Variants in ZNF385D observed in about 807,000 individuals in gnomAD.
ZNF385D encodes the protein zinc finger protein 385D.
ZNF385D carries 15 observed loss-of-function variants against 35.8 expected under a neutral mutation model. The observed-to-expected ratio is 0.42, with a 90% CI of 0.28 to 0.64. The LOEUF is 0.64. Among genes scored for constraint, ZNF385D ranks in the 30% least tolerant of loss-of-function variants. ZNF385D has a pLI of 0.23. For synonymous variants in ZNF385D, 212 were observed against 186.8 expected, an observed-to-expected ratio of 1.13 and a Z score of -1.10; for missense variants, 474 against 494.6, an observed-to-expected ratio of 0.96 and a Z score of 0.39.
chr3:21,650,278 A>G (rs980953074), intron 2 of ZNF385D, among the ~76,000 whole-genome samples: 15 of 152,286 alleles, frequency 9.8e-5, no homozygotes, highest in African/African-American at 3.6e-4. Context: ...TCTCCAAAAT[A>G]ATTTCAGGAA....
chr3:22,316,792 T>C lies in ZNF385D; in HGVS notation c.106+55658A>G, dbSNP rs139266774. Among the ~76,000 whole-genome samples the C allele has an allele frequency of 1.9e-4, 29 of 152,310 alleles. No individual in the cohort carries two copies. In the East Asian group the frequency reaches 5.2e-3, roughly 27 times the overall value. ...GTGTTTGAAACTTCTAAGGAAGTTT[T>C]AGACAAGGGAATATTGGGGTTCAGA... On this transcript the variant is annotated intron_variant, in intron 2 of 5. Transcript: ENST00000494108.
chr3:21,475,673 A>G (rs1704191496), intron 4 of ZNF385D, among the ~76,000 whole-genome samples: 1 of 152,136 alleles, frequency 6.6e-6, no homozygotes. Flanking sequence ...GCTCAAAGTT[A>G]AAGGCACACA....
chr3:22,154,316 C>A (rs1046907501), intron 3 of ZNF385D, among the ~76,000 whole-genome samples: 1 of 152,148 alleles, frequency 6.6e-6, no homozygotes, highest in Non-Finnish European at 1.5e-5. Flanking sequence ...GCAAACTACC[C>A]TGAGTCTCTG....
rs1422713753 is a variant in ZNF385D, at chr3:21,646,245, G to A, written c.165+18641C>T. On this transcript the variant is annotated intron_variant, in intron 2 of 7. Coordinates refer to ENST00000281523, the MANE Select transcript of ZNF385D (RefSeq NM_024697.3). This position sits in a 1 kb window ranked among gnomAD's most constrained non-coding sequence, Gnocchi z 4.3. Reference sequence around the variant, plus strand: ...CAATCATGGTTTTGATTATGGTTAAGTAAATGAAGAGGAGAGGAAACTGTC... The same window carrying A: ...CAATCATGGTTTTGATTATGGTTAAATAAATGAAGAGGAGAGGAAACTGTC... 5.3e-5 allele frequency among the ~76,000 whole-genome samples: 8 copies of A among 152,194 alleles called. No individual in the cohort carries two copies. Among genetic ancestry groups the A allele is most frequent in the African/African-American group, 1.7e-4 (7 of 41,464 alleles).
At chr3:21,806,750 C>A (rs1177700636) in intron 3 of ZNF385D, among the ~76,000 whole-genome samples, 1 of 152,152 alleles carries the variant, frequency 6.6e-6, no homozygotes, top group African/African-American at 2.4e-5. Flanking sequence ...TTACAAACTA[C>A]CCTAGTCAGA....
intron 3 of ZNF385D, among the ~76,000 whole-genome samples, chr3:21,545,178 A>G (rs563318904): frequency 6.6e-6 from 1 of 152,362 alleles, no homozygotes; most frequent in Admixed American, 6.5e-5. Context: ...TTTGCTATTC[A>G]CAGACAATTT....
intron 2 of ZNF385D, among the ~76,000 whole-genome samples, chr3:21,590,036 T>C (rs1270655622): frequency 2.6e-5 from 4 of 152,106 alleles, no homozygotes; most frequent in Admixed American, 2.6e-4. Context: ...TGTGGACAAG[T>C]AGGCATGTGC....
chr3:22,107,534 G>C (rs1045151735), intron 3 of ZNF385D, among the ~76,000 whole-genome samples: 2 of 152,024 alleles, frequency 1.3e-5, no homozygotes, highest in Non-Finnish European at 2.9e-5. Flanking sequence ...GACTTTATAT[G>C]CAAGTAGGAA....
intron 4 of ZNF385D, among the ~76,000 whole-genome samples, chr3:21,458,781 T>C (rs1292144291): frequency 3.2e-5 from 2 of 61,800 alleles, no homozygotes; most frequent in Admixed American, 4.1e-4. Context: ...TTAGTGGTAG[T>C]GAGGGGAGAG....
At chr3:21,899,080 C>T (rs1231668485) in intron 3 of ZNF385D, among the ~76,000 whole-genome samples, 1 of 152,078 alleles carries the variant, frequency 6.6e-6, no homozygotes, top group East Asian at 1.9e-4. Context: ...TATTATTCCC[C>T]AGTTGGACAT....
At chr3:21,815,017 G>C (rs970717873) in intron 3 of ZNF385D, among the ~76,000 whole-genome samples, 3 of 152,168 alleles carry the variant, frequency 2.0e-5, no homozygotes, top group African/African-American at 7.2e-5. Context: ...TTAGAACTCA[G>C]AATTAAGAAG....
intron 2 of ZNF385D, among the ~76,000 whole-genome samples, chr3:22,212,978 G>A (rs1009643724): frequency 2.0e-5 from 3 of 151,948 alleles, no homozygotes; most frequent in Non-Finnish European, 4.4e-5. Context: ...AATGGTTAGA[G>A]TGCATTTATT....
Position 21,580,344 on chromosome 3 carries a change from A to G in ZNF385D, c.166-15660T>C, listed in dbSNP as rs535505762. 1.3e-4 allele frequency among the ~76,000 whole-genome samples: 20 copies of G among 152,304 alleles called. No homozygotes were observed. In the South Asian group the frequency reaches 4.1e-3, roughly 32 times the overall value. On this transcript the variant is annotated intron_variant, in intron 2 of 7. Coordinates refer to ENST00000281523, the MANE Select transcript of ZNF385D (RefSeq NM_024697.3). ...TAGACTTGAAATAAGTAGTGTACCA[A>G]TTAATGGCAGATCTTTACTAACCAG...
At chr3:21,703,478 T>C (rs1056068781) in intron 1 of ZNF385D, among the ~76,000 whole-genome samples, 20 of 152,142 alleles carry the variant, frequency 1.3e-4, no homozygotes, top group African/African-American at 4.3e-4. Context: ...GCCCAGGATA[T>C]TGTGCAATCC....
intron 3 of ZNF385D, among the ~76,000 whole-genome samples, chr3:21,979,057 C>T (rs1694240974): frequency 6.6e-6 from 1 of 152,096 alleles, no homozygotes; most frequent in Non-Finnish European, 1.5e-5. Flanking sequence ...TGACACTTAG[C>T]ACAATAGAAA....
intron 3 of ZNF385D, among the ~76,000 whole-genome samples, chr3:21,987,262 C>A (rs1469280285): frequency 7.8e-5 from 11 of 140,208 alleles, no homozygotes; most frequent in Non-Finnish European, 1.5e-4. Context: ...TCTTCCTAGT[C>A]TCGATGGTCT....
At chr3:21,951,101 A>T (rs1702045089) in intron 3 of ZNF385D, among the ~76,000 whole-genome samples, 1 of 151,640 alleles carries the variant, frequency 6.6e-6, no homozygotes, top group African/African-American at 2.4e-5. Flanking sequence ...TGGTAGCTTG[A>T]TGGGGATAGC....
At chr3:22,044,646 G>A (rs1299580372) in intron 3 of ZNF385D, among the ~76,000 whole-genome samples, 2 of 152,038 alleles carry the variant, frequency 1.3e-5, no homozygotes, top group African/African-American at 4.8e-5. Flanking sequence ...GTTATGAAAT[G>A]GGATACAGGG....
intron 2 of ZNF385D, among the ~76,000 whole-genome samples, chr3:21,606,218 C>T (rs937700767): frequency 6.6e-6 from 1 of 152,198 alleles, no homozygotes. Flanking sequence ...ACAGCCCTTG[C>T]TTTTCTGGGC....
Sources: gnomAD v4.1 joint callset for allele counts (sites outside exome capture counted in the v4.1 genomes callset) on GRCh38, gnomAD v4.1.1 for gene constraint, Gnocchi (gnomAD v3.1) non-coding constraint, MANE v1.5 for transcripts, NCBI Gene and HGNC (gene_info 2026-07-23, HGNC 2026-07-21) for gene names.